RBPMS: variants seen among roughly 807,000 people sequenced by gnomAD.
RBPMS encodes RNA-binding protein with multiple splicing.
In RBPMS, 7 loss-of-function variants were observed where a neutral mutation model predicts 26.8. The observed-to-expected ratio is 0.26, with a 90% CI of 0.15 to 0.49. The LOEUF (loss-of-function observed/expected upper bound fraction) is 0.49. RBPMS is among the 20% of genes least tolerant of loss of function. The pLI, the probability that RBPMS is intolerant of heterozygous loss-of-function variation, is 0.98. For synonymous variants in RBPMS, 96 were observed against 93.3 expected, an observed-to-expected ratio of 1.03 and a Z score of -0.17; for missense variants, 186 against 250.0, an observed-to-expected ratio of 0.74 and a Z score of 1.73.
intron 5 of RBPMS, among the ~76,000 whole-genome samples, chr8:30,542,768 T>C (rs150191281): frequency 6.6e-6 from 1 of 152,220 alleles, no homozygotes; most frequent in Non-Finnish European, 1.5e-5. Flanking sequence ...CTAGCTGGGC[T>C]CCCACGTGAG....
intron 4 of RBPMS, among the ~76,000 whole-genome samples, chr8:30,487,334 G>A (rs1818896626): frequency 6.6e-6 from 1 of 152,146 alleles, no homozygotes; most frequent in African/African-American, 2.4e-5. Context: ...TAGTCCATAA[G>A]GATTTGAACT....
At position 30,432,285 on chromosome 8, in the gene RBPMS, G is replaced by A. The variant is rs181923066; in HGVS notation, c.67-42494G>A. On this transcript the variant is annotated intron_variant, in intron 1 of 8. Transcript: ENST00000397323. ...GTAACTATTTTCTATCCCATTGTCT[G>A]ATGAGATGCTCTGAGTCTTTGGTTA... Among the ~76,000 whole-genome samples, 171 of 152,300 alleles carry A rather than the reference G, an allele frequency of 1.1e-3. 1 individual carries two copies. The highest frequency in any genetic ancestry group is 2.0e-3 in the Non-Finnish European group (134 of 68,024).
intron 1 of RBPMS, among the ~76,000 whole-genome samples, chr8:30,456,159 A>T (rs906333879): frequency 6.6e-6 from 1 of 152,138 alleles, no homozygotes; most frequent in Non-Finnish European, 1.5e-5. Flanking sequence ...TGTGTATGTT[A>T]TATATTTATC....
chr8:30,388,181 C>G (rs2150533058), intron 1 of RBPMS, among the ~76,000 whole-genome samples: 1 of 152,100 alleles, frequency 6.6e-6, no homozygotes, highest in East Asian at 1.9e-4. Flanking sequence ...CAAAATCTCA[C>G]TGAGATTTTT....
chr8:30,542,578 A>G (rs1203523293), intron 5 of RBPMS, among the ~76,000 whole-genome samples: 1 of 152,206 alleles, frequency 6.6e-6, no homozygotes, highest in Admixed American at 6.5e-5. Context: ...TATCAGTTTT[A>G]TGGTCTTCTG....
intron 7 of RBPMS, among the ~76,000 whole-genome samples, chr8:30,563,111 A>T (rs1827632298): frequency 6.6e-6 from 1 of 152,148 alleles, no homozygotes; most frequent in African/African-American, 2.4e-5. Flanking sequence ...CTGTGAGGAG[A>T]GCCAAGCTGA....
intron 5 of RBPMS, chr8:30,537,644 C>A (rs1563424580): frequency 2.2e-6 from 1 of 456,202 alleles, no homozygotes; most frequent in Non-Finnish European, 4.4e-6. Context: ...GACTCATGAT[C>A]TTGATTGATT....
At chr8:30,416,255 T>C (rs910938217) in intron 1 of RBPMS, among the ~76,000 whole-genome samples, 20 of 152,180 alleles carry the variant, frequency 1.3e-4, no homozygotes, top group African/African-American at 4.8e-4. Flanking sequence ...CAGTGTTGCT[T>C]TCCAGTCTAA....
chr8:30,546,039 C>T (rs978359687), intron 6 of RBPMS, among the ~76,000 whole-genome samples: 1 of 152,080 alleles, frequency 6.6e-6, no homozygotes, highest in East Asian at 1.9e-4. Flanking sequence ...TGGCAGGTAA[C>T]GGGGTCGGGA....
chr8:30,534,779 G>GTCAA lies in RBPMS; in HGVS notation c.398-9715_398-9714insTCAA. Among the ~76,000 whole-genome samples the GTCAA allele has an allele frequency of 1.1e-4, 2 of 17,804 alleles. 1 individual carries two copies. The highest frequency in any genetic ancestry group is 2.3e-4 in the Non-Finnish European group (2 of 8,884). 11.7% of individuals were successfully genotyped at this position (17,804 alleles called of 152,430 possible). The stretch of plus-strand genomic sequence containing the variant: ...TCTCTTTAAAACTGATAACTACTTT[G>GTCAA]GGAGGCCGAGGCGGGTGGATCATGA... On this transcript the variant is annotated intron_variant, in intron 5 of 8. Coordinates refer to ENST00000397323, the MANE Select transcript of RBPMS (RefSeq NM_001008710.3).
At chr8:30,538,704 G>T (rs1376298610) in intron 5 of RBPMS, among the ~76,000 whole-genome samples, 1 of 152,172 alleles carries the variant, frequency 6.6e-6, no homozygotes. Context: ...GGCTTCAATG[G>T]ACAGAAATCT....
chr8:30,443,086 C>T (rs1055214313), intron 1 of RBPMS, among the ~76,000 whole-genome samples: 2 of 152,186 alleles, frequency 1.3e-5, no homozygotes, highest in Non-Finnish European at 2.9e-5. Context: ...GGCAGTGGCT[C>T]CTCCGTACGG....
At chr8:30,426,185 C>G (rs1811333820) in intron 1 of RBPMS, among the ~76,000 whole-genome samples, 1 of 152,216 alleles carries the variant, frequency 6.6e-6, no homozygotes, top group African/African-American at 2.4e-5. Context: ...TCATGTCCCA[C>G]CAGGGGCCAA....
At chr8:30,422,349 G>T (rs1261850614) in intron 1 of RBPMS, among the ~76,000 whole-genome samples, 2 of 151,938 alleles carry the variant, frequency 1.3e-5, no homozygotes, top group Non-Finnish European at 2.9e-5. Flanking sequence ...CCTGACCTCA[G>T]GTGATCCACC....
At chr8:30,545,402 C>T (rs1487886387) in intron 6 of RBPMS, 9 of 1,081,058 alleles carry the variant, frequency 8.3e-6, no homozygotes, top group Non-Finnish European at 9.0e-6. Flanking sequence ...TGTAAAGATT[C>T]ACCTCTGGAG....
At chr8:30,485,225 A>G (rs1024868504) in intron 4 of RBPMS, among the ~76,000 whole-genome samples, 7 of 152,218 alleles carry the variant, frequency 4.6e-5, no homozygotes, top group Admixed American at 1.3e-4. Context: ...TTTGATCTTA[A>G]TATTTGTACA....
At chr8:30,548,361 C>T (rs1826027847) in intron 6 of RBPMS, among the ~76,000 whole-genome samples, 1 of 53,834 alleles carries the variant, frequency 1.9e-5, no homozygotes, top group Non-Finnish European at 3.4e-5. Context: ...ACCACATTCT[C>T]GAAACACACC....
chr8:30,408,840 T>G (rs1365453990), intron 1 of RBPMS, among the ~76,000 whole-genome samples: 2 of 152,210 alleles, frequency 1.3e-5, no homozygotes, highest in African/African-American at 4.8e-5. Flanking sequence ...CCAAATTCAT[T>G]AACCAATCAG....
At chr8:30,542,172 G>A (rs1825453922) in intron 5 of RBPMS, among the ~76,000 whole-genome samples, 2 of 152,306 alleles carry the variant, frequency 1.3e-5, no homozygotes, top group Admixed American at 6.5e-5. Flanking sequence ...GCAATTTTGA[G>A]TTTAGGGGAT....
Sources: gnomAD v4.1 joint callset for allele counts (sites outside exome capture counted in the v4.1 genomes callset) on GRCh38, gnomAD v4.1.1 for gene constraint, MANE v1.5 for transcripts, NCBI Gene and HGNC (gene_info 2026-07-23, HGNC 2026-07-21) for gene names.